Variants in KRT72 observed in about 807,000 individuals in gnomAD.
The protein encoded by KRT72 is keratin, type II cytoskeletal 72.
In KRT72, 44 loss-of-function variants were observed where a neutral mutation model predicts 44.7. The ratio of observed to expected loss-of-function variants is 0.98; its 90% CI spans 0.77 to 1.27. The LOEUF (loss-of-function observed/expected upper bound fraction) is 1.27. KRT72 is among the 50% of genes most tolerant of loss of function. The probability of loss-of-function intolerance (pLI) is 0.00; values close to 1 mark genes in which losing one functional copy is unlikely to be tolerated. For synonymous variants in KRT72, 302 were observed against 280.4 expected, an observed-to-expected ratio of 1.08 and a Z score of -0.77; for missense variants, 736 against 667.1, an observed-to-expected ratio of 1.10 and a Z score of -1.14.
intron 1 of KRT72, 38 bp downstream of exon 1, chr12:52,600,989 C>A: frequency 6.2e-7 from 1 of 1,602,168 alleles, no homozygotes; most frequent in Non-Finnish European, 8.5e-7. Context: ...TGTGCACATG[C>A]GCCCAACGCA....
chr12:52,599,764 C>G (rs970064489), intron 1 of KRT72, among the ~76,000 whole-genome samples: 7 of 152,166 alleles, frequency 4.6e-5, no homozygotes, highest in African/African-American at 1.7e-4. Context: ...TCCATGCAGA[C>G]CTGTGCCCTC....
At chr12:52,593,154 C>T (rs372246461) in intron 2 of KRT72, among the ~76,000 whole-genome samples, 2 of 152,174 alleles carry the variant, frequency 1.3e-5, no homozygotes, top group South Asian at 4.1e-4. Flanking sequence ...TGTGCCTGTG[C>T]ATTCTGTCTT....
chr12:52,586,871 T>C lies in KRT72; in HGVS notation c.1345+75A>G, dbSNP rs1939774232. Reference sequence around the variant, plus strand: ...CCCCTCTGTCATTCTGATTTCTCTTTTGTGTCATGAATTAAAGGGACTCGG... The same window carrying C: ...CCCCTCTGTCATTCTGATTTCTCTTCTGTGTCATGAATTAAAGGGACTCGG... On this transcript the variant is annotated intron_variant, in intron 8 of 8. Transcript: ENST00000293745. The C allele has an allele frequency of 5.8e-6, 8 of 1,383,460 alleles. No homozygotes were observed. In the South Asian group the frequency reaches 9.3e-5, roughly 16 times the overall value. 85.7% of individuals were successfully genotyped at this position (1,383,460 alleles called of 1,614,324 possible). A position where few individuals can be genotyped will look rare whatever the true frequency, so the allele number is the denominator to read the frequency against.
chr12:52,601,692 A>G, upstream of KRT72: 1 of 531,272 alleles, frequency 1.9e-6, no homozygotes, highest in East Asian at 3.5e-5. Context: ...CTGTAAAGTG[A>G]CCCAGAACCC....
chr12:52,602,418 A>G (rs541796769), upstream of KRT72, among the ~76,000 whole-genome samples: 17 of 152,318 alleles, frequency 1.1e-4, no homozygotes, highest in African/African-American at 4.1e-4. Flanking sequence ...CAAGAACTAG[A>G]TTCTAGAACT....
Position 52,587,943 on chromosome 12 carries a change from GC to G in KRT72, c.1090-93del, listed in dbSNP as rs532914124. 865 of 1,258,444 alleles carry G rather than the reference GC, an allele frequency of 6.9e-4. 14 individuals are homozygous for G. The South Asian group carries it at 0.012, about 17-fold the overall frequency. The allele number at this position is 1,258,444 out of a possible 1,614,324, so 78.0% of individuals were successfully genotyped here. ...TCCCCTTGTTTTGTCCTGACTGATG[GC>G]AACTGCTTGGAGATCCTCCTGGTTT... is the stretch of plus-strand genomic sequence containing the variant. On this transcript the variant is annotated intron_variant, in intron 6 of 8. Coordinates refer to ENST00000293745, the MANE Select transcript of KRT72 (RefSeq NM_080747.3).
Position 52,591,230 on chromosome 12 carries a change from T to G in KRT72, c.963+234A>C, listed in dbSNP as rs532309149. On this transcript the variant is annotated intron_variant, in intron 5 of 8. Coordinates refer to ENST00000293745, the MANE Select transcript of KRT72 (RefSeq NM_080747.3). ...GTGTGGCCTCAGCCAAGGGCCGTGA[T>G]AGGAGAAGGGCTAAGCCCCATATAT... 2.9e-3 allele frequency among the ~76,000 whole-genome samples: 449 copies of G among 152,284 alleles called. 2 individuals carry two copies. The highest frequency in any genetic ancestry group is 5.2e-3 in the South Asian group (25 of 4,822).
upstream of KRT72, among the ~76,000 whole-genome samples, chr12:52,602,104 T>A (rs1251018056): frequency 6.6e-6 from 1 of 152,160 alleles, no homozygotes; most frequent in East Asian, 1.9e-4. Flanking sequence ...GGGTTGACTT[T>A]GGACCAGAGC....
chr12:52,585,888 G>A lies in KRT72; in HGVS notation c.*94C>T, dbSNP rs1168933537. 5 of 1,154,276 alleles carry A rather than the reference G, an allele frequency of 4.3e-6. No individual in the cohort carries two copies. Among genetic ancestry groups the A allele is most frequent in the Admixed American group, 2.0e-5 (1 of 50,202 alleles). The allele number at this position is 1,154,276 out of a possible 1,614,324, so 71.5% of individuals were successfully genotyped here. On this transcript the variant is annotated 3_prime_UTR_variant, in exon 9 of 9. Transcript: ENST00000293745. ...GGTTGGGACTGTAGTGACAGACAAA[G>A]CATTTCTTGACTTGGAAAGGGAGCC... is the stretch of plus-strand genomic sequence containing the variant.
chr12:52,587,982 C>G, intron 6 of KRT72, 131 bp from the exon 7 acceptor site: 1 of 884,234 alleles, frequency 1.1e-6, no homozygotes, highest in Non-Finnish European at 1.7e-6. Context: ...CCAACTTTGG[C>G]CATCCCTAGA....
chr12:52,597,410 C>T (rs909404408), intron 2 of KRT72, among the ~76,000 whole-genome samples: 3 of 152,086 alleles, frequency 2.0e-5, no homozygotes, highest in Non-Finnish European at 4.4e-5. Context: ...AAGAGAGATG[C>T]AAAAACCTGG....
At chr12:52,587,341 A>C (rs1939803267) in intron 7 of KRT72, among the ~76,000 whole-genome samples, 1 of 152,156 alleles carries the variant, frequency 6.6e-6, no homozygotes, top group Non-Finnish European at 1.5e-5. Context: ...GACAGCCCTT[A>C]GAGGCCATCT....
At position 52,601,044 on chromosome 12, in the gene KRT72, C is replaced by T. The variant is rs781213969; in HGVS notation, c.409G>A (p.Ala137Thr). 10 of 1,611,770 alleles carry T rather than the reference C, an allele frequency of 6.2e-6. No individual in the cohort carries two copies. The highest frequency in any genetic ancestry group is 2.2e-5 in the East Asian group (1 of 44,700). ...GGACTCACCTTGTCGATGAAGGAGG[C>T]GAACTTGTTGTTTAGCGCCTTGATC... ...EQIKALNNKF[A>T]SFIDKVRFLE... Residue 137 changes from alanine (A) to threonine (T), a missense_variant, in exon 1 of 9, where the codon GCC (alanine) becomes ACC (threonine). Ala to Thr is a moderately conservative substitution (Grantham distance 58). Transcript: ENST00000293745.
rs1482536835 is a variant in KRT72 at position 52,586,026 on chromosome 12, T to C, written c.1492A>G (p.Lys498Glu). Reference protein sequence around the residue: ...CGSELKDPLAKTSGSSCATKK... With the variant: ...CGSELKDPLAETSGSSCATKK... ...GTGGCACAGCTGCTCCCCGAGGTTT[T>C]GGCAAGGGGATCCTTGAGCTCACTG... Residue 498 changes from lysine (K) to glutamate (E), a missense_variant, in exon 9 of 9, where the codon AAA becomes GAA. Coordinates refer to ENST00000293745, the MANE Select transcript of KRT72 (RefSeq NM_080747.3). The C allele has an allele frequency of 1.2e-6, 2 of 1,613,938 alleles. No individual in the cohort carries two copies. The highest frequency in any genetic ancestry group is 2.7e-5 in the African/African-American group (2 of 74,938).
chr12:52,601,713 T>G, upstream of KRT72: 1 of 513,326 alleles, frequency 1.9e-6, no homozygotes, highest in Non-Finnish European at 3.4e-6. Flanking sequence ...AGCATTTACT[T>G]GGCTCACCTC....
chr12:52,589,017 TTA>T (rs986599338), intron 6 of KRT72, among the ~76,000 whole-genome samples: 3 of 136,574 alleles, frequency 2.2e-5, no homozygotes, highest in African/African-American at 8.4e-5. Flanking sequence ...TATATATATA[TTA>T]ATTAATTAAT....
intron 2 of KRT72, among the ~76,000 whole-genome samples, chr12:52,597,201 A>T (rs1277637708): frequency 6.6e-6 from 1 of 152,184 alleles, no homozygotes. Context: ...CAATTTTTTA[A>T]CTGTGAAATG....
intron 2 of KRT72, among the ~76,000 whole-genome samples, chr12:52,595,326 C>T (rs1182896852): frequency 6.6e-6 from 1 of 151,870 alleles, no homozygotes; most frequent in Non-Finnish European, 1.5e-5. Flanking sequence ...ATTGATTTCT[C>T]TTGTTTTATA....
chr12:52,596,826 C>T (rs184319880), intron 2 of KRT72, among the ~76,000 whole-genome samples: 5 of 152,246 alleles, frequency 3.3e-5, no homozygotes, highest in African/African-American at 9.6e-5. Context: ...GCTGGGATTA[C>T]AGGCCACAAG....
Sources: gnomAD v4.1 joint callset for allele counts (sites outside exome capture counted in the v4.1 genomes callset) on GRCh38, gnomAD v4.1.1 for gene constraint, MANE v1.5 for transcripts, NCBI Gene and HGNC (gene_info 2026-07-23, HGNC 2026-07-21) for gene names.